The following HK1 variants were observed in gnomAD, a reference collection of about 807,000 sequenced individuals.
HK1 encodes the protein hexokinase 1.
In HK1, 28 loss-of-function variants were observed where a neutral mutation model predicts 91.6. The ratio of observed to expected loss-of-function variants is 0.31; its 90% CI spans 0.23 to 0.42. The LOEUF (loss-of-function observed/expected upper bound fraction) is 0.42, where lower values mean the gene tolerates loss of function less well. Ranked by LOEUF, HK1 falls within the 10% of genes least tolerant of loss-of-function variation. The probability of loss-of-function intolerance (pLI) is 1.00; values close to 1 mark genes in which losing one functional copy is unlikely to be tolerated. For synonymous variants in HK1, 430 were observed against 468.1 expected, an observed-to-expected ratio of 0.92 and a Z score of 1.05; for missense variants, 770 against 1,219.8, an observed-to-expected ratio of 0.63 and a Z score of 5.49.
chr10:69,289,278 C>A (rs1845172500), intron 3 of HK1, among the ~76,000 whole-genome samples: 1 of 152,014 alleles, frequency 6.6e-6, no homozygotes. Flanking sequence ...GTGTTCTGAC[C>A]AAGGGAAGCC....
intron 16 of HK1, among the ~76,000 whole-genome samples, chr10:69,397,532 G>A (rs1840197298): frequency 6.6e-6 from 1 of 152,126 alleles, no homozygotes; most frequent in South Asian, 2.1e-4. Context: ...GCAGGGCATG[G>A]TGGGCTTTGG....
At chr10:69,334,670 C>G (rs1448242655) in intron 1 of HK1, among the ~76,000 whole-genome samples, 2 of 152,106 alleles carry the variant, frequency 1.3e-5, no homozygotes, top group Non-Finnish European at 2.9e-5. Flanking sequence ...CAGGAGCCAC[C>G]ACGTGGTGCC....
rs576402472 is a variant in HK1, at chr10:69,394,778, G to A, written c.2220-172G>A. On this transcript the variant is annotated intron_variant, in intron 15 of 17. Transcript: ENST00000359426. ...ATGTGAGAGAGTGGAGGACTCCCTG[G>A]TCCTTCCTGGTCCTCCCACTCTGCC... is the stretch of plus-strand genomic sequence containing the variant. 2.0e-5 allele frequency among the ~76,000 whole-genome samples: 3 copies of A among 152,302 alleles called. No homozygotes were observed. The South Asian group carries it at 6.2e-4, about 32-fold the overall frequency.
upstream of HK1, among the ~76,000 whole-genome samples, chr10:69,314,571 A>G (rs1168309313): frequency 1.3e-5 from 2 of 152,136 alleles, no homozygotes; most frequent in Non-Finnish European, 1.5e-5. Flanking sequence ...AACAAACTCT[A>G]TAGGGCTGGG....
chr10:69,321,525 C>T (rs1486064101), intron 1 of HK1, among the ~76,000 whole-genome samples: 1 of 152,208 alleles, frequency 6.6e-6, no homozygotes, highest in African/African-American at 2.4e-5. Flanking sequence ...ATGATTCAGC[C>T]CTCCAGCTGT....
intron 1 of HK1, among the ~76,000 whole-genome samples, chr10:69,339,418 G>A (rs895501224): frequency 6.6e-6 from 1 of 152,230 alleles, no homozygotes; most frequent in African/African-American, 2.4e-5. Context: ...CCCAGTTTCA[G>A]TTCCGGCCTT....
At chr10:69,300,837 G>A (rs770805233) in exon 5 of HK1, 9 of 1,604,126 alleles carry the variant, frequency 5.6e-6, no homozygotes, top group Non-Finnish European at 7.7e-6. Context: ...GTGGAAAGAT[G>A]GCAAAAAGAG....
upstream of HK1, among the ~76,000 whole-genome samples, chr10:69,316,429 T>C (rs930404669): frequency 1.3e-5 from 2 of 152,224 alleles, no homozygotes; most frequent in Non-Finnish European, 2.9e-5. Flanking sequence ...GTAATATTTC[T>C]GGCACAGGGA....
At chr10:69,283,180 C>T (rs1844845719) in intron 2 of HK1, among the ~76,000 whole-genome samples, 2 of 145,536 alleles carry the variant, frequency 1.4e-5, no homozygotes, top group Non-Finnish European at 1.5e-5. Flanking sequence ...GGTGCGGTGG[C>T]TCACACATGT....
intron 5 of HK1, among the ~76,000 whole-genome samples, chr10:69,302,139 T>C (rs112714728): frequency 0.021 from 3,178 of 150,966 alleles, 109 homozygotes; most frequent in African/African-American, 0.072. Context: ...CCCAGCTACT[T>C]GGGAGGCTGA....
intron 1 of HK1, among the ~76,000 whole-genome samples, chr10:69,275,724 C>A (rs1178402929): frequency 6.6e-6 from 1 of 152,160 alleles, no homozygotes; most frequent in Admixed American, 6.5e-5. Flanking sequence ...TAATTATTTA[C>A]AAATTTATTA....
chr10:69,285,975 C>T (rs1845011954), intron 2 of HK1, among the ~76,000 whole-genome samples: 1 of 152,188 alleles, frequency 6.6e-6, no homozygotes, highest in Non-Finnish European at 1.5e-5. Flanking sequence ...GCATAATCTT[C>T]TCTGTCATGT....
rs1490537809 is a variant in HK1, at chr10:69,382,484, A to G, written c.1266-3A>G. On this transcript the variant is annotated splice_region_variant and splice_polypyrimidine_tract_variant and intron_variant, in intron 9 of 17. Transcript: ENST00000359426. Reference sequence around the variant, plus strand: ...TGTGGAATGTCCCCCCTGCCCCCATAAGGTATTCCCGGCGTTTCCACAAGA... The same window carrying G: ...TGTGGAATGTCCCCCCTGCCCCCATGAGGTATTCCCGGCGTTTCCACAAGA... 6.2e-7 allele frequency: 1 copy of G among 1,614,090 alleles called. No individual in the cohort carries two copies. Among genetic ancestry groups the G allele is most frequent in the Non-Finnish European group, 8.5e-7 (1 of 1,179,952 alleles).
intron 5 of HK1, among the ~76,000 whole-genome samples, chr10:69,304,919 C>T (rs1447754012): frequency 2.0e-5 from 3 of 152,126 alleles, no homozygotes; most frequent in Non-Finnish European, 4.4e-5. Flanking sequence ...AGTCCAAATT[C>T]AAGGTGTTGG....
In HK1 at chr10:69,286,244, TC is replaced by T. The variant is rs529068708; in HGVS notation, c.-214-2424del. 1.9e-3 allele frequency among the ~76,000 whole-genome samples: 294 copies of T among 152,312 alleles called. 1 individual carries two copies. Among genetic ancestry groups the T allele is most frequent in the African/African-American group, 6.6e-3 (274 of 41,578 alleles). ...TGAGTACAGTGGCTGACACCTGTAATCCCAGCACTTTGGGAGGCTGAGGGAG... is the reference window on the plus strand; with the variant it reads ...TGAGTACAGTGGCTGACACCTGTAATCCAGCACTTTGGGAGGCTGAGGGAG... On this transcript the variant is annotated intron_variant, in intron 2 of 21. Transcript: ENST00000360289.
In HK1 at chr10:69,341,168, C is replaced by T. The variant is rs542792294; in HGVS notation, c.64-2659C>T. On this transcript the variant is annotated intron_variant, in intron 1 of 17. Transcript: ENST00000359426. ...AATATATATACATATTTCTTTCTTT[C>T]TTTTTTTTTTGGAGACTGGATCTAA... is the stretch of plus-strand genomic sequence containing the variant. 5.5e-3 allele frequency among the ~76,000 whole-genome samples: 811 copies of T among 147,958 alleles called. 4 individuals carry two copies. Among genetic ancestry groups the T allele is most frequent in the African/African-American group, 0.019 (756 of 40,436 alleles).
intron 2 of HK1, among the ~76,000 whole-genome samples, chr10:69,288,482 T>A (rs1021613087): frequency 3.3e-5 from 5 of 152,158 alleles, no homozygotes; most frequent in Non-Finnish European, 5.9e-5. Flanking sequence ...AACAGAGCAA[T>A]ACTCTGCCTC....
Position 69,289,102 on chromosome 10 carries a change from A to G in HK1, c.-115+332A>G, listed in dbSNP as rs114509887. Among the ~76,000 whole-genome samples the G allele has an allele frequency of 2.6e-3, 402 of 152,216 alleles. 3 individuals are homozygous for G. The highest frequency in any genetic ancestry group is 9.2e-3 in the African/African-American group (383 of 41,540). ...TTCTTTAGCTTCTCAGAGGGCTCACATGTACCATAGCCTGCTCAACCTGCT... is the reference window on the plus strand; with the variant it reads ...TTCTTTAGCTTCTCAGAGGGCTCACGTGTACCATAGCCTGCTCAACCTGCT... On this transcript the variant is annotated intron_variant, in intron 3 of 21. Coordinates refer to the HK1 transcript ENST00000360289.
At chr10:69,288,889 C>G in intron 3 of HK1, 1 of 813,582 alleles carries the variant, frequency 1.2e-6, no homozygotes, top group Non-Finnish European at 2.1e-6. Flanking sequence ...CGGGTTCAAG[C>G]GATTCTCCTG....
Sources: allele counts gnomAD v4.1 joint callset (sites outside exome capture counted in the v4.1 genomes callset), GRCh38; gene constraint gnomAD v4.1.1; transcripts MANE v1.5; gene names NCBI Gene and HGNC (gene_info 2026-07-23, HGNC 2026-07-21).